ELF2: variants seen among roughly 807,000 people sequenced by gnomAD.
The protein encoded by ELF2 is E74 like ETS transcription factor 2, also known as ETS-related transcription factor Elf-2.
ELF2 carries 11 observed loss-of-function variants against 54.8 expected under a neutral mutation model. The observed-to-expected ratio is 0.20, with a 90% CI of 0.13 to 0.33. The LOEUF is 0.33. Among genes scored for constraint, ELF2 ranks in the 10% least tolerant of loss-of-function variants. ELF2 has a pLI of 1.00. For missense variants in ELF2, 513 were observed against 703.0 expected, an observed-to-expected ratio of 0.73 and a Z score of 3.06; for synonymous variants, 203 against 245.1, an observed-to-expected ratio of 0.83 and a Z score of 1.61.
chr4:139,134,613 ATTTTATTTATTTTAT>A (rs765043989), intron 3 of ELF2, among the ~76,000 whole-genome samples: 1,443 of 138,492 alleles, frequency 0.01, 15 homozygotes, highest in South Asian at 0.033. Flanking sequence ...ATTTTATTTT[ATTTTATTTATTTTAT>A]TTTATTTTAT....
At chr4:139,172,462 G>C (rs2148919529) in intron 1 of ELF2, among the ~76,000 whole-genome samples, 1 of 152,170 alleles carries the variant, frequency 6.6e-6, no homozygotes, top group Non-Finnish European at 1.5e-5. Context: ...TACACTACCT[G>C]CTCATTAGTC....
chr4:139,167,855 C>T (rs1228439809), intron 1 of ELF2, among the ~76,000 whole-genome samples: 1 of 152,208 alleles, frequency 6.6e-6, no homozygotes, highest in East Asian at 1.9e-4. Context: ...TGGTTCCGCA[C>T]TGTAGACAGG....
At chr4:139,153,192 T>C (rs908015064) in intron 1 of ELF2, among the ~76,000 whole-genome samples, 2 of 152,136 alleles carry the variant, frequency 1.3e-5, no homozygotes, top group African/African-American at 4.8e-5. Flanking sequence ...CCCAGCACTT[T>C]AGGAGGTCAA....
At chr4:139,119,260 T>A (rs1292252830) in intron 4 of ELF2, among the ~76,000 whole-genome samples, 1 of 152,252 alleles carries the variant, frequency 6.6e-6, no homozygotes, top group Non-Finnish European at 1.5e-5. Context: ...CGGCTTTAAA[T>A]GAGGATGATT....
intron 1 of ELF2, among the ~76,000 whole-genome samples, chr4:139,171,030 G>C (rs1357551167): frequency 6.6e-6 from 1 of 152,072 alleles, no homozygotes; most frequent in African/African-American, 2.4e-5. Context: ...ACAGGCATGA[G>C]CCACCGCACC....
intron 4 of ELF2, among the ~76,000 whole-genome samples, chr4:139,102,887 GTT>G (rs145429765): frequency 5.4e-4 from 80 of 147,694 alleles, no homozygotes; most frequent in Middle Eastern, 3.5e-3. Flanking sequence ...AGACATAAAT[GTT>G]TTTTTTTTTC....
intron 4 of ELF2, among the ~76,000 whole-genome samples, chr4:139,096,025 C>G (rs547106182): frequency 6.6e-6 from 1 of 152,002 alleles, no homozygotes; most frequent in Non-Finnish European, 1.5e-5. Context: ...GCAGGAGAAT[C>G]GCTTAAACCC....
intron 4 of ELF2, among the ~76,000 whole-genome samples, chr4:139,116,154 A>T (rs767915436): frequency 1.4e-4 from 21 of 152,222 alleles, no homozygotes; most frequent in Non-Finnish European, 2.2e-4. Context: ...AAAATCTTTT[A>T]TCTAATAATA....
At chr4:139,170,630 C>T (rs6817890) in intron 1 of ELF2, among the ~76,000 whole-genome samples, 5,273 of 148,384 alleles carry the variant, frequency 0.036, 211 homozygotes, top group African/African-American at 0.096. Flanking sequence ...CATGTATCTA[C>T]TAAAAAACTT....
chr4:139,164,823 T>C (rs1335248924), intron 1 of ELF2, among the ~76,000 whole-genome samples: 1 of 152,258 alleles, frequency 6.6e-6, no homozygotes, highest in African/African-American at 2.4e-5. Flanking sequence ...TATTGGCTTT[T>C]ACTGATGTGT....
At chr4:139,152,539 C>T (rs986630126) in intron 1 of ELF2, among the ~76,000 whole-genome samples, 7 of 152,028 alleles carry the variant, frequency 4.6e-5, no homozygotes, top group African/African-American at 1.7e-4. Context: ...CTATGTTGCC[C>T]AGGTTGGTCT....
At chr4:139,092,133 G>A (rs546347265) in intron 4 of ELF2, among the ~76,000 whole-genome samples, 13 of 151,580 alleles carry the variant, frequency 8.6e-5, no homozygotes, top group South Asian at 2.1e-4. Flanking sequence ...AGGGCGAGGC[G>A]GTTGGATCAC....
intron 3 of ELF2, among the ~76,000 whole-genome samples, chr4:139,133,242 G>A (rs890963829): frequency 2.0e-5 from 3 of 152,122 alleles, no homozygotes; most frequent in Admixed American, 2.0e-4. Context: ...AAGCAATAAG[G>A]ATAAGGAGAG....
chr4:139,133,124 C>A (rs1466096647), intron 3 of ELF2, among the ~76,000 whole-genome samples: 6 of 151,780 alleles, frequency 4.0e-5, no homozygotes, highest in African/African-American at 1.5e-4. Context: ...GGTTTCACTG[C>A]GATAGCCAGG....
intron 4 of ELF2, among the ~76,000 whole-genome samples, chr4:139,093,543 C>G (rs1732908507): frequency 6.6e-6 from 1 of 152,050 alleles, no homozygotes; most frequent in Admixed American, 6.6e-5. Flanking sequence ...GAATAGATTC[C>G]AAGACTCCTT....
At chr4:139,151,082 AAG>A (rs1553971392) in intron 1 of ELF2, among the ~76,000 whole-genome samples, 1 of 121,862 alleles carries the variant, frequency 8.2e-6, no homozygotes, top group African/African-American at 3.5e-5. Context: ...GAAAGAAAGA[AAG>A]AAAGAAAGAA....
chr4:139,150,253 G>T (rs572801167), intron 1 of ELF2, among the ~76,000 whole-genome samples: 1 of 151,994 alleles, frequency 6.6e-6, no homozygotes, highest in Non-Finnish European at 1.5e-5. Context: ...TGTAATCCCA[G>T]CTACTCAGGA....
rs775598385 is a variant in ELF2 at position 139,067,588 on chromosome 4, T to G, written c.613+96A>C. 43 of 1,244,086 alleles carry G rather than the reference T, an allele frequency of 3.5e-5. No homozygotes were observed. In the East Asian group the frequency reaches 1.0e-3, roughly 29 times the overall value. The allele number at this position is 1,244,086 out of a possible 1,614,324, so 77.1% of individuals were successfully genotyped here. Reference sequence around the variant, plus strand: ...TATTACCAGCGACAGTATTCTCATATGTGCATGTACTAGAAATAGTTTTCT... The same window carrying G: ...TATTACCAGCGACAGTATTCTCATAGGTGCATGTACTAGAAATAGTTTTCT... On this transcript the variant is annotated intron_variant, in intron 7 of 9. Coordinates refer to ENST00000686138, the MANE Select transcript of ELF2 (RefSeq NM_001331036.3).
intron 4 of ELF2, among the ~76,000 whole-genome samples, chr4:139,086,690 C>G (rs935948848): frequency 1.3e-5 from 2 of 152,138 alleles, no homozygotes; most frequent in African/African-American, 4.8e-5. Flanking sequence ...TAACCCTTCT[C>G]AATTCATATA....
Sources: allele counts gnomAD v4.1 joint callset (sites outside exome capture counted in the v4.1 genomes callset), GRCh38; gene constraint gnomAD v4.1.1; transcripts MANE v1.5; gene names NCBI Gene and HGNC (gene_info 2026-07-23, HGNC 2026-07-21).